Variants in PTPRT observed in about 807,000 individuals in gnomAD.
PTPRT encodes the protein receptor-type tyrosine-protein phosphatase T.
Under a neutral mutation model 176.8 loss-of-function variants are expected in PTPRT, and 56 were observed. That is an observed-to-expected ratio of 0.32 (90% CI 0.26 to 0.40). The LOEUF (loss-of-function observed/expected upper bound fraction) is 0.40, where lower values mean the gene tolerates loss of function less well. Ranked by LOEUF, PTPRT falls within the 10% of genes least tolerant of loss-of-function variation. PTPRT has a pLI of 1.00. For synonymous variants in PTPRT, 783 were observed against 739.0 expected, an observed-to-expected ratio of 1.06 and a Z score of -0.96; for missense variants, 1,540 against 1,908.2, an observed-to-expected ratio of 0.81 and a Z score of 3.60.
chr20:42,266,986 G>A (rs190804998), intron 13 of PTPRT, among the ~76,000 whole-genome samples: 64 of 152,276 alleles, frequency 4.2e-4, no homozygotes, highest in African/African-American at 1.3e-3. Flanking sequence ...TCTTTCATCT[G>A]TTGTTTTCTT....
intron 2 of PTPRT, among the ~76,000 whole-genome samples, chr20:42,797,730 C>G (rs554714901): frequency 2.0e-5 from 3 of 152,274 alleles, no homozygotes; most frequent in African/African-American, 7.2e-5. Context: ...GATTTTCCAG[C>G]TGAGCACAAT....
At chr20:42,984,812 G>A (rs150249361) in intron 1 of PTPRT, among the ~76,000 whole-genome samples, 1 of 152,302 alleles carries the variant, frequency 6.6e-6, no homozygotes, top group East Asian at 1.9e-4. Flanking sequence ...CCAGTCATAA[G>A]AACAAAGAGT....
intron 1 of PTPRT, among the ~76,000 whole-genome samples, chr20:42,935,874 C>A (rs992843775): frequency 1.3e-5 from 2 of 152,106 alleles, no homozygotes; most frequent in African/African-American, 4.8e-5. Context: ...CTCAGCCTCC[C>A]GAGTAGCTGG....
intron 17 of PTPRT, among the ~76,000 whole-genome samples, chr20:42,152,525 C>T (rs1989181044): frequency 1.3e-5 from 2 of 152,232 alleles, no homozygotes; most frequent in South Asian, 4.1e-4. Flanking sequence ...TCACAAAACA[C>T]TCTTTAAAAG....
At chr20:43,153,216 T>C (rs978186458) in intron 1 of PTPRT, among the ~76,000 whole-genome samples, 1 of 152,162 alleles carries the variant, frequency 6.6e-6, no homozygotes. Flanking sequence ...ATATATATAG[T>C]ATGAATGAAA....
chr20:42,791,070 G>A, intron 3 of PTPRT, 125 bp downstream of exon 3: 1 of 1,233,066 alleles, frequency 8.1e-7, no homozygotes, highest in African/African-American at 1.5e-5. Context: ...TTGGCTAGGA[G>A]GAGAAGCACA....
chr20:43,170,063 C>G (rs2014958171), intron 1 of PTPRT, among the ~76,000 whole-genome samples: 1 of 151,942 alleles, frequency 6.6e-6, no homozygotes, highest in Non-Finnish European at 1.5e-5. Flanking sequence ...ACCTGGTGCC[C>G]ACCCACCGGT....
intron 1 of PTPRT, among the ~76,000 whole-genome samples, chr20:42,915,735 G>A (rs542790844): frequency 6.6e-6 from 1 of 152,038 alleles, no homozygotes; most frequent in African/African-American, 2.4e-5. Flanking sequence ...GGGACTACAG[G>A]AGCACACCAC....
At chr20:42,267,326 T>A (rs183019867) in intron 13 of PTPRT, among the ~76,000 whole-genome samples, 107 of 152,348 alleles carry the variant, frequency 7.0e-4, no homozygotes, top group Middle Eastern at 3.4e-3. Context: ...AGGTTAATTG[T>A]ATTAAGTGCA....
intron 9 of PTPRT, among the ~76,000 whole-genome samples, chr20:42,352,553 G>A (rs2058300391): frequency 6.6e-6 from 1 of 152,170 alleles, no homozygotes; most frequent in Non-Finnish European, 1.5e-5. Context: ...GAGATAGAGA[G>A]TAGAAGGATG....
At chr20:42,087,850 G>A (rs1984149089) in intron 27 of PTPRT, among the ~76,000 whole-genome samples, 1 of 113,366 alleles carries the variant, frequency 8.8e-6, no homozygotes. Flanking sequence ...TCCAACCTGG[G>A]AAACAGAGCA....
intron 9 of PTPRT, 88 bp from the exon 10 acceptor site, chr20:42,352,373 C>A (rs543044109): frequency 3.7e-6 from 5 of 1,335,634 alleles, no homozygotes; most frequent in South Asian, 2.5e-5. Flanking sequence ...CTTAGGGAGG[C>A]GGGGGAAGGG....
chr20:42,779,990 T>A (rs1200023154), intron 4 of PTPRT, among the ~76,000 whole-genome samples: 8 of 152,166 alleles, frequency 5.3e-5, no homozygotes, highest in African/African-American at 1.9e-4. Context: ...CAAAGATGTT[T>A]TGCCACTCTC....
chr20:42,316,086 A>T (rs2057717610), intron 11 of PTPRT, 90 bp from the exon 12 acceptor site: 1 of 1,406,956 alleles, frequency 7.1e-7, no homozygotes, highest in Non-Finnish European at 9.8e-7. Context: ...AACTTCTCCT[A>T]TGTGGAAGCA....
At chr20:42,323,767 T>A (rs2057841015) in intron 11 of PTPRT, among the ~76,000 whole-genome samples, 1 of 151,046 alleles carries the variant, frequency 6.6e-6, no homozygotes, top group Non-Finnish European at 1.5e-5. Flanking sequence ...GTAATAATAA[T>A]AAAATAAAAT....
intron 8 of PTPRT, among the ~76,000 whole-genome samples, chr20:42,448,903 A>C (rs2070778405): frequency 6.6e-6 from 1 of 152,180 alleles, no homozygotes; most frequent in South Asian, 2.1e-4. Flanking sequence ...CGTTGTAAGA[A>C]AGTTTATGAA....
intron 6 of PTPRT, among the ~76,000 whole-genome samples, chr20:42,714,480 T>C (rs2076193712): frequency 6.6e-6 from 1 of 152,200 alleles, no homozygotes; most frequent in Non-Finnish European, 1.5e-5. Context: ...ACAGAGATCA[T>C]AGTATAAAGT....
At chr20:42,295,523 TTAA>T (rs748646375) in intron 12 of PTPRT, among the ~76,000 whole-genome samples, 21 of 152,112 alleles carry the variant, frequency 1.4e-4, no homozygotes, top group Non-Finnish European at 2.9e-5. Context: ...GGGTAAAAGT[TTAA>T]TATGTTTAAC....
intron 1 of PTPRT, among the ~76,000 whole-genome samples, chr20:43,115,423 T>TGGGGA (rs2013022762): frequency 2.6e-5 from 4 of 152,292 alleles, no homozygotes; most frequent in Middle Eastern, 3.4e-3. Flanking sequence ...TTCTCCACTT[T>TGGGGA]GTTCAAGCCC....
Sources: gnomAD v4.1 joint callset for allele counts (sites outside exome capture counted in the v4.1 genomes callset) on GRCh38, gnomAD v4.1.1 for gene constraint, MANE v1.5 for transcripts, NCBI Gene and HGNC (gene_info 2026-07-23, HGNC 2026-07-21) for gene names.